GABRA3: variants seen among roughly 807,000 people sequenced by gnomAD.
GABRA3 encodes the protein gamma-aminobutyric acid type A receptor subunit alpha3, also known as gamma-aminobutyric acid receptor subunit alpha-3.
GABRA3 carries 10 observed loss-of-function variants against 30.1 expected under a neutral mutation model. The ratio of observed to expected loss-of-function variants is 0.33; its 90% CI spans 0.20 to 0.56. GABRA3 has a LOEUF of 0.56. Ranked by LOEUF, GABRA3 falls within the 20% of genes least tolerant of loss-of-function variation. The pLI is 0.89. For missense variants in GABRA3, 233 were observed against 392.0 expected, an observed-to-expected ratio of 0.59 and a Z score of 3.42; for synonymous variants, 151 against 146.8, an observed-to-expected ratio of 1.03 and a Z score of -0.21.
intron 8 of GABRA3, among the ~76,000 whole-genome samples, chrX:152,194,034 T>C (rs1057388777): frequency 8.9e-6 from 1 of 112,263 alleles, no homozygotes; most frequent in African/African-American, 3.2e-5. Flanking sequence ...ATTGATACTT[T>C]AACACTTTTC....
intron 1 of GABRA3, among the ~76,000 whole-genome samples, chrX:152,438,702 A>C (rs1454216036): frequency 1.8e-5 from 2 of 112,169 alleles, no homozygotes; most frequent in African/African-American, 6.5e-5. Flanking sequence ...ACATATTGTC[A>C]AGTGAAAGAA....
At chrX:152,401,383 T>G (rs1353099472) in intron 1 of GABRA3, among the ~76,000 whole-genome samples, 2 of 109,771 alleles carry the variant, frequency 1.8e-5, no homozygotes, top group Admixed American at 1.9e-4. Context: ...TGATGTTACA[T>G]TAATATAATA....
chrX:152,415,524 T>C (rs1182221703), intron 1 of GABRA3, among the ~76,000 whole-genome samples: 1 of 111,207 alleles, frequency 9.0e-6, no homozygotes, highest in Non-Finnish European at 1.9e-5. Context: ...TGAACAGTTC[T>C]TTATCTTGAT....
intron 5 of GABRA3, among the ~76,000 whole-genome samples, chrX:152,229,774 T>C (rs1252523232): frequency 1.8e-5 from 2 of 110,941 alleles, no homozygotes; most frequent in Admixed American, 1.9e-4. Flanking sequence ...ATAGAGGCAC[T>C]GTGGGATTTT....
chrX:152,405,669 G>T (rs1041280605), intron 1 of GABRA3, among the ~76,000 whole-genome samples: 38 of 111,383 alleles, frequency 3.4e-4, no homozygotes, highest in African/African-American at 1.2e-3. Flanking sequence ...TTCCTGAGGC[G>T]CCTAATTCCT....
intron 2 of GABRA3, among the ~76,000 whole-genome samples, chrX:152,363,153 C>T (rs760725907): frequency 7.2e-4 from 80 of 111,155 alleles, no homozygotes; most frequent in African/African-American, 2.5e-3. Context: ...AGAAGTGTGC[C>T]TAGAACAAAA....
chrX:152,325,762 G>C (rs1448272507), intron 3 of GABRA3, among the ~76,000 whole-genome samples: 1 of 111,819 alleles, frequency 8.9e-6, no homozygotes, highest in Admixed American at 9.5e-5. Context: ...GAGCAGAAAA[G>C]CTGAAAATTC....
intron 5 of GABRA3, among the ~76,000 whole-genome samples, chrX:152,232,337 T>C (rs1173947465): frequency 9.1e-6 from 1 of 110,042 alleles, no homozygotes; most frequent in Admixed American, 9.8e-5. Context: ...GCGGTGAAAT[T>C]ACGGTTTTTA....
In GABRA3 at chrX:152,341,251, A is replaced by G. The variant is rs192582331; in HGVS notation, c.262+4330T>C. Among the ~76,000 whole-genome samples the G allele has an allele frequency of 9.6e-3, 1,066 of 111,545 alleles. 14 individuals are homozygous for G. Among genetic ancestry groups the G allele is most frequent in the African/African-American group, 0.033 (1,026 of 30,671 alleles). ...AAGTAGTTTTCCACAATGTGTATGT[A>G]TCACATTTTCTTTTTCCACTCATTG... On this transcript the variant is annotated intron_variant, in intron 3 of 9. Transcript: ENST00000370314.
rs767451844 is a variant in GABRA3 at position 152,191,764 on chromosome X, C to T, written c.932-1823G>A. ...TGAAAATCCAGACTGCAAAAGACTC[C>T]GTACAATTTCAACAGAAATACCCTA... On this transcript the variant is annotated intron_variant, in intron 8 of 9. Transcript: ENST00000370314. 2.0e-4 allele frequency among the ~76,000 whole-genome samples: 22 copies of T among 110,488 alleles called. 1 individual carries two copies. The South Asian group carries it at 8.1e-3, about 41-fold the overall frequency.
intron 9 of GABRA3, among the ~76,000 whole-genome samples, chrX:152,178,780 A>G (rs1250174326): frequency 9.0e-6 from 1 of 111,561 alleles, no homozygotes; most frequent in Non-Finnish European, 1.9e-5. Flanking sequence ...ATGAAAATCA[A>G]GAAACCCTTA....
At chrX:152,257,761 A>C (rs747066736) in intron 4 of GABRA3, among the ~76,000 whole-genome samples, 1 of 112,553 alleles carries the variant, frequency 8.9e-6, no homozygotes, top group East Asian at 2.8e-4. Flanking sequence ...ACTTAACTAG[A>C]CAAAATCAGA....
intron 2 of GABRA3, among the ~76,000 whole-genome samples, chrX:152,348,224 GA>G (rs1267949480): frequency 9.0e-6 from 1 of 110,664 alleles, no homozygotes; most frequent in African/African-American, 3.3e-5. Flanking sequence ...GTAGTTTGGG[GA>G]AAAAAGGAAT....
chrX:152,276,524 C>T (rs1939088550), intron 4 of GABRA3, among the ~76,000 whole-genome samples: 1 of 111,109 alleles, frequency 9.0e-6, no homozygotes, highest in African/African-American at 3.3e-5. Flanking sequence ...GGTACACACC[C>T]TAAAGAAATT....
At chrX:152,315,112 C>A (rs954604283) in intron 3 of GABRA3, among the ~76,000 whole-genome samples, 1 of 111,224 alleles carries the variant, frequency 9.0e-6, no homozygotes, top group Non-Finnish European at 1.9e-5. Flanking sequence ...CTGAGAGAAC[C>A]CACAGACCTT....
At chrX:152,369,071 C>T (rs1285410026) in intron 1 of GABRA3, among the ~76,000 whole-genome samples, 2 of 111,167 alleles carry the variant, frequency 1.8e-5, no homozygotes, top group African/African-American at 6.6e-5. Flanking sequence ...ATTTGCATTC[C>T]CACCAACAGT....
In GABRA3 at chrX:152,296,199, T is replaced by C. The variant is rs149863172; in HGVS notation, c.263-11464A>G. 2.2e-4 allele frequency among the ~76,000 whole-genome samples: 25 copies of C among 112,011 alleles called. No individual in the cohort carries two copies. The East Asian group carries it at 6.8e-3, about 30-fold the overall frequency. On this transcript the variant is annotated intron_variant, in intron 3 of 9. Transcript: ENST00000370314. ...TCATTATTGCATACACTTTTCATCT[T>C]GAAGAGGGACTGGGTGCCTGTAAAT...
intron 4 of GABRA3, among the ~76,000 whole-genome samples, chrX:152,267,508 G>C (rs1938848281): frequency 9.0e-6 from 1 of 111,561 alleles, no homozygotes; most frequent in African/African-American, 3.3e-5. Flanking sequence ...TAGCATTGGG[G>C]TAACATTGGC....
chrX:152,304,720 G>A (rs1236862926), intron 3 of GABRA3, among the ~76,000 whole-genome samples: 1 of 111,933 alleles, frequency 8.9e-6, no homozygotes, highest in African/African-American at 3.2e-5. Flanking sequence ...GTTTGAAATA[G>A]GCTAATGTGA....
Sources: allele counts gnomAD v4.1 joint callset (sites outside exome capture counted in the v4.1 genomes callset), GRCh38; gene constraint gnomAD v4.1.1; transcripts MANE v1.5; gene names NCBI Gene and HGNC (gene_info 2026-07-23, HGNC 2026-07-21).